Variants in TRMU observed in about 807,000 individuals in gnomAD.
TRMU encodes mitochondrial tRNA-specific 2-thiouridylase 1.
In TRMU, 49 loss-of-function variants were observed where a neutral mutation model predicts 46.9. The observed-to-expected ratio is 1.05, with a 90% CI of 0.83 to 1.33. The LOEUF (loss-of-function observed/expected upper bound fraction) is 1.33. Ranked by LOEUF, TRMU falls within the 40% of genes most tolerant of loss-of-function variation. The probability of loss-of-function intolerance (pLI) is 0.00; values close to 1 mark genes in which losing one functional copy is unlikely to be tolerated. For missense variants in TRMU, 572 were observed against 532.4 expected, an observed-to-expected ratio of 1.07 and a Z score of -0.73; for synonymous variants, 241 against 200.9, an observed-to-expected ratio of 1.20 and a Z score of -1.69.
rs546146000 is a variant in TRMU at position 46,349,876 on chromosome 22, C to T, written c.479-415C>T. On this transcript the variant is annotated intron_variant, in intron 4 of 10. Coordinates refer to ENST00000645190, the MANE Select transcript of TRMU (RefSeq NM_018006.5). This position sits in a 1 kb window ranked among gnomAD's most constrained non-coding sequence, Gnocchi z 4.6. ...GAAACCACTGTGGCACGAACACATCCTGTGGTTGTTGGAAGAAGGCACAGC... is the reference window on the plus strand; with the variant it reads ...GAAACCACTGTGGCACGAACACATCTTGTGGTTGTTGGAAGAAGGCACAGC... Among the ~76,000 whole-genome samples, 8 of 152,304 alleles carry T rather than the reference C, an allele frequency of 5.3e-5. No homozygotes were observed. The highest frequency in any genetic ancestry group is 4.6e-4 in the Admixed American group (7 of 15,300).
chr22:46,352,122 G>A lies in TRMU; in HGVS notation c.653G>A (p.Ser218Asn). The change falls in exon 6 of 11, where the codon AGC becomes AAC. Residue 218 changes from serine to asparagine, a missense_variant and splice_region_variant. Transcript: ENST00000645190. ...RLHHVLQKKE[S>N]MGMCFIGKRN... Reference sequence around the variant, plus strand: ...ACGGCTGCCGTCTTCTCATTTCAGAGCATGGGCATGTGTTTCATCGGGAAG... The same window carrying A: ...ACGGCTGCCGTCTTCTCATTTCAGAACATGGGCATGTGTTTCATCGGGAAG... 6.2e-7 allele frequency: 1 copy of A among 1,613,204 alleles called. No homozygotes were observed. Among genetic ancestry groups the A allele is most frequent in the Non-Finnish European group, 8.5e-7 (1 of 1,180,034 alleles).
In TRMU at chr22:46,353,846, C is replaced by T. The variant is rs1601986081; in HGVS notation, c.852C>T (p.Ser284=). Residue 284 remains serine (S), a synonymous_variant, in exon 8 of 11, where the codon AGC becomes AGT. Transcript: ENST00000645190. ...REPWYVVEKD[S]VKGDVFVAPR... ...CCTGGTACGTGGTGGAGAAGGACAG[C>T]GTCAAGGGTGACGTGTTTGTGGTGA... The T allele has an allele frequency of 9.3e-6, 15 of 1,613,666 alleles. No individual in the cohort carries two copies. The highest frequency in any genetic ancestry group is 1.3e-5 in the African/African-American group (1 of 74,900).
At position 46,336,163 on chromosome 22, in the gene TRMU, C is replaced by T. The variant is rs1053547428; in HGVS notation, c.82+317C>T. On this transcript the variant is annotated intron_variant, in intron 1 of 10. Transcript: ENST00000645190. The surrounding 1 kb of genome is among the most constrained non-coding windows in gnomAD (Gnocchi z 4.1). ...GAGGGAAGGGTTTCTCACGGATCTGCGGCGTCCACATTCACCTGTGAGACC... is the reference window on the plus strand; with the variant it reads ...GAGGGAAGGGTTTCTCACGGATCTGTGGCGTCCACATTCACCTGTGAGACC... 7.2e-6 allele frequency: 9 copies of T among 1,257,112 alleles called. No homozygotes were observed. Among genetic ancestry groups the T allele is most frequent in the Middle Eastern group, 3.1e-4 (1 of 3,182 alleles). The allele number at this position is 1,257,112 out of a possible 1,614,324, so 77.9% of individuals were successfully genotyped here. A position where few individuals can be genotyped will look rare whatever the true frequency, so the allele number is the denominator to read the frequency against.
At chr22:46,352,695 C>T (rs908223762) in intron 7 of TRMU, 16 of 370,826 alleles carry the variant, frequency 4.3e-5, no homozygotes, top group South Asian at 6.7e-5. Flanking sequence ...GTAAGGTGGA[C>T]GTCCCGGCAT....
intron 1 of TRMU, 149 bp from the exon 2 acceptor site, chr22:46,337,630 G>A (rs2078012655): frequency 2.0e-6 from 2 of 984,986 alleles, no homozygotes; most frequent in Non-Finnish European, 3.1e-6. Flanking sequence ...GATCCCTGAA[G>A]CCACATGGCA....
chr22:46,344,588 C>A (rs1433195283), intron 3 of TRMU, among the ~76,000 whole-genome samples: 1 of 152,162 alleles, frequency 6.6e-6, no homozygotes, highest in South Asian at 2.1e-4. Context: ...GAAGGGAAGG[C>A]TTGCCTTTGG....
At position 46,356,033 on chromosome 22, in the gene TRMU, G is replaced by A. The variant is rs368415197; in HGVS notation, c.1062G>A (p.Val354=). 38 of 1,613,918 alleles carry A rather than the reference G, an allele frequency of 2.4e-5. No homozygotes were observed. Among genetic ancestry groups the A allele is most frequent in the Non-Finnish European group, 2.8e-5 (33 of 1,180,004 alleles). The change falls in exon 10 of 11, where the codon GTG becomes GTA. Residue 354 remains valine (V), a synonymous_variant. Transcript: ENST00000645190. ...TCAATCAAGATGGCACCGTGTGGGTGACAGCTGTGCAGGCTGTGCGTGCCC... is the reference window on the plus strand; with the variant it reads ...TCAATCAAGATGGCACCGTGTGGGTAACAGCTGTGCAGGCTGTGCGTGCCC... ...LTLNQDGTVW[V]TAVQAVRALA...
chr22:46,345,855 C>A (rs2078242256), intron 3 of TRMU, among the ~76,000 whole-genome samples: 1 of 151,896 alleles, frequency 6.6e-6, no homozygotes, highest in African/African-American at 2.4e-5. Flanking sequence ...GCAGCCTCAA[C>A]CTCCCAGGTT....
Position 46,338,036 on chromosome 22 carries a change from C to G in TRMU, c.248+92C>G. On this transcript the variant is annotated intron_variant, in intron 2 of 10. Coordinates refer to ENST00000645190, the MANE Select transcript of TRMU (RefSeq NM_018006.5). The surrounding 1 kb of genome is among the most constrained non-coding windows in gnomAD (Gnocchi z 4.5). ...GTAACCAGCCAGACCGACGCCTGTG[C>G]TGCAGCCCAGCGCTCTCCCTCCACG... 1.3e-6 allele frequency: 2 copies of G among 1,559,836 alleles called. No individual in the cohort carries two copies. The highest frequency in any genetic ancestry group is 1.8e-6 in the Non-Finnish European group (2 of 1,134,104).
At chr22:46,356,470 G>GGTGGTGGGAGGGAAC in intron 10 of TRMU, 1 of 418,694 alleles carries the variant, frequency 2.4e-6, no homozygotes, top group East Asian at 4.6e-5. Flanking sequence ...TCCAGGGGCA[G>GGTGGTGGGAGGGAAC]GTGGTGGGAG....
rs374565874 is a variant in TRMU, at chr22:46,351,982, G to A, written c.652-139G>A. 59 of 911,672 alleles carry A rather than the reference G, an allele frequency of 6.5e-5. No individual in the cohort carries two copies. In the East Asian group the frequency reaches 1.1e-3, roughly 17 times the overall value. 56.5% of individuals were successfully genotyped at this position (911,672 alleles called of 1,614,324 possible). On this transcript the variant is annotated intron_variant, in intron 5 of 10. Transcript: ENST00000645190. This position sits in a 1 kb window ranked among gnomAD's most constrained non-coding sequence, Gnocchi z 6.4. ...GCTGTGACTGGCGGCCGAGGGTGCC[G>A]GTGGGCAGCCGGGCCCCTACCCTGG...
intron 3 of TRMU, among the ~76,000 whole-genome samples, chr22:46,344,773 C>T (rs2078208362): frequency 6.6e-6 from 1 of 152,254 alleles, no homozygotes; most frequent in Non-Finnish European, 1.5e-5. Flanking sequence ...CCGCGCTTCT[C>T]AGAGGCATCC....
chr22:46,355,398 GGCCA>G, intron 8 of TRMU, 42 bp from the exon 9 acceptor site: 5 of 1,604,684 alleles, frequency 3.1e-6, no homozygotes, highest in Non-Finnish European at 4.2e-6. Flanking sequence ...CCGGCCTTGG[GGCCA>G]GGTGCCCCTC....
intron 8 of TRMU, 62 bp from the exon 9 acceptor site, chr22:46,355,382 C>A: frequency 6.3e-7 from 1 of 1,593,420 alleles, no homozygotes; most frequent in Non-Finnish European, 8.5e-7. Context: ...AGGGACCACA[C>A]TGAGGCCGGC....
rs1435826468 is a variant in TRMU, at chr22:46,351,196, G to A, written c.651+733G>A. On this transcript the variant is annotated intron_variant, in intron 5 of 10. Transcript: ENST00000645190. This position sits in a 1 kb window ranked among gnomAD's most constrained non-coding sequence, Gnocchi z 6.4. ...CCAGATGAGGGAACGGCAGTGCAAA[G>A]GCCTTGAGGCGAGGAGAAGCCAGGG... 6.6e-6 allele frequency among the ~76,000 whole-genome samples: 1 copy of A among 152,204 alleles called. No homozygotes were observed. Among genetic ancestry groups the A allele is most frequent in the Non-Finnish European group, 1.5e-5 (1 of 68,042 alleles).
rs754687615 is a variant in TRMU at position 46,355,583 on chromosome 22, C to T, written c.1013C>T (p.Ala338Val). ...ECHFRFRHQM[A>V]LVPCVLTLNQ... ...CACTTCCGATTCCGCCACCAGATGG[C>T]ACTAGGTGACTGACGGGAGGGCTCC... The change falls in exon 9 of 11, where the codon GCA becomes GTA. Residue 338 changes from alanine (A) to valine (V), a missense_variant. Physicochemically the swap from Ala to Val is moderately conservative, Grantham distance 64. Transcript: ENST00000645190. 9 of 1,613,262 alleles carry T rather than the reference C, an allele frequency of 5.6e-6. No individual in the cohort carries two copies. In the South Asian group the frequency reaches 7.7e-5, roughly 14 times the overall value.
chr22:46,355,473 C>A lies in TRMU; in HGVS notation c.903C>A (p.Tyr301Ter), dbSNP rs779868712. The A allele has an allele frequency of 6.2e-7, 1 of 1,613,158 alleles. No individual in the cohort carries two copies. The highest frequency in any genetic ancestry group is 1.3e-5 in the African/African-American group (1 of 75,062). Residue 301 changes from tyrosine to a stop codon, truncating the protein, a stop_gained, in exon 9 of 11, where the codon TAC becomes TAA. Coordinates refer to ENST00000645190, the MANE Select transcript of TRMU (RefSeq NM_018006.5). LOFTEE classifies it high-confidence loss of function. ...VAPRTDHPAL[Y>*]RDLLRTSRVH... The stretch of plus-strand genomic sequence containing the variant: ...CCCGGACAGACCACCCAGCCCTGTA[C>A]AGGGACCTGCTGAGGACCAGCCGCG...
chr22:46,352,452 CTG>C (rs1466693038), intron 7 of TRMU, 122 bp downstream of exon 7: 3 of 1,272,460 alleles, frequency 2.4e-6, no homozygotes, highest in Non-Finnish European at 3.4e-6. Context: ...GTAGAAGGCT[CTG>C]TGGGGCGGCC....
chr22:46,337,103 C>G (rs969433341), intron 1 of TRMU, among the ~76,000 whole-genome samples: 1 of 152,140 alleles, frequency 6.6e-6, no homozygotes, highest in African/African-American at 2.4e-5. Context: ...TTTGACAAAG[C>G]TTTGTCATCA....
Sources: gnomAD v4.1 joint callset for allele counts (sites outside exome capture counted in the v4.1 genomes callset) on GRCh38, gnomAD v4.1.1 for gene constraint, Gnocchi (gnomAD v3.1) non-coding constraint, MANE v1.5 for transcripts, NCBI Gene and HGNC (gene_info 2026-07-23, HGNC 2026-07-21) for gene names.